Variants in RGS6 observed in about 807,000 individuals in gnomAD.
RGS6 encodes regulator of G-protein signaling 6.
Under a neutral mutation model 78.5 loss-of-function variants are expected in RGS6, and 30 were observed. The ratio of observed to expected loss-of-function variants is 0.38; its 90% confidence interval spans 0.29 to 0.52. RGS6 has a LOEUF of 0.52. RGS6 is among the 20% of genes least tolerant of loss of function. The pLI is 0.85. For missense variants in RGS6, 495 were observed against 609.7 expected (o/e 0.81, Z 1.98); for synonymous variants, 206 against 206.0 (o/e 1.00, Z 0.00).
intron 2 of RGS6, among the ~76,000 whole-genome samples, chr14:72,125,526 T>C (rs752119219): frequency 6.6e-5 from 10 of 152,142 alleles, no homozygotes. Flanking sequence ...GAGAAAAGAT[T>C]TTATTCACCA....
chr14:71,939,971 G>A (rs1321830831), intron 1 of RGS6, among the ~76,000 whole-genome samples: 1 of 152,162 alleles, frequency 6.6e-6, no homozygotes, highest in African/African-American at 2.4e-5. Context: ...CCAATGTGGG[G>A]GTTCTGCCAG....
intron 3 of RGS6, among the ~76,000 whole-genome samples, chr14:72,435,003 G>A (rs936075767): frequency 6.6e-6 from 1 of 152,180 alleles, no homozygotes; most frequent in Non-Finnish European, 1.5e-5. Flanking sequence ...ATAGCTGAGT[G>A]AGTTCTTTCT....
chr14:72,037,347 A>G (rs559519017), intron 2 of RGS6, among the ~76,000 whole-genome samples: 1 of 152,292 alleles, frequency 6.6e-6, no homozygotes, highest in South Asian at 2.1e-4. Flanking sequence ...TTGGGTCCGC[A>G]CCACCTTTAA....
intron 14 of RGS6, 115 bp downstream of exon 14, chr14:72,510,394 C>A: frequency 1.5e-6 from 2 of 1,338,422 alleles, no homozygotes; most frequent in Non-Finnish European, 2.1e-6. Context: ...AATTCAAATG[C>A]CAGCTAATCT....
intron 1 of RGS6, among the ~76,000 whole-genome samples, chr14:71,948,726 TTCTC>T (rs199827798): frequency 9.6e-6 from 1 of 104,432 alleles, no homozygotes; most frequent in Non-Finnish European, 1.7e-5. Flanking sequence ...CTGATTTCCT[TTCTC>T]TCTCTCTCTC....
At chr14:72,265,063 G>C (rs1318945927) in intron 2 of RGS6, among the ~76,000 whole-genome samples, 8 of 152,210 alleles carry the variant, frequency 5.3e-5, no homozygotes, top group African/African-American at 1.9e-4. Flanking sequence ...TGGGAGAATG[G>C]AATTAGGGGA....
At chr14:72,072,766 A>G (rs2094452338) in intron 2 of RGS6, among the ~76,000 whole-genome samples, 1 of 152,250 alleles carries the variant, frequency 6.6e-6, no homozygotes, top group African/African-American at 2.4e-5. Flanking sequence ...GATTAAGTTA[A>G]TTTTAAATCA....
At chr14:72,487,251 T>C (rs532484790) in intron 12 of RGS6, among the ~76,000 whole-genome samples, 2 of 152,344 alleles carry the variant, frequency 1.3e-5, no homozygotes, top group Middle Eastern at 3.4e-3. Flanking sequence ...GCACCTTTTA[T>C]CTACTGCCAC....
intron 2 of RGS6, among the ~76,000 whole-genome samples, chr14:72,079,395 A>G (rs1213586830): frequency 1.3e-5 from 2 of 152,126 alleles, no homozygotes; most frequent in East Asian, 1.9e-4. Context: ...ATTCTTTTAC[A>G]GTTTTATTTA....
At chr14:72,445,517 A>G (rs2095342071) in intron 3 of RGS6, among the ~76,000 whole-genome samples, 1 of 151,746 alleles carries the variant, frequency 6.6e-6, no homozygotes, top group Non-Finnish European at 1.5e-5. Context: ...AGTGGGTGAA[A>G]GACCCTGAAC....
the RGS6 span, among the ~76,000 whole-genome samples, chr14:71,910,838 T>C: frequency 6.6e-6 from 1 of 152,184 alleles, no homozygotes; most frequent in African/African-American, 2.4e-5. Flanking sequence ...AGGATGCAAT[T>C]TGGGAAAACA....
chr14:72,187,100 A>G (rs1221790749), intron 2 of RGS6, among the ~76,000 whole-genome samples: 3 of 152,380 alleles, frequency 2.0e-5, no homozygotes, highest in Non-Finnish European at 4.4e-5. Flanking sequence ...AAGGGCTTAG[A>G]AAATGTAAAG....
At chr14:71,922,206 T>C in the RGS6 span, among the ~76,000 whole-genome samples, 2 of 152,246 alleles carry the variant, frequency 1.3e-5, no homozygotes, top group East Asian at 3.8e-4. Context: ...GTTGGAATCA[T>C]CTTTGACTCC....
chr14:72,054,405 A>G (rs2093505992), intron 2 of RGS6, among the ~76,000 whole-genome samples: 1 of 152,194 alleles, frequency 6.6e-6, no homozygotes, highest in African/African-American at 2.4e-5. Context: ...CAGTTTTGAG[A>G]TTCTTGCTTC....
chr14:72,470,111 A>C, intron 8 of RGS6, 28 bp downstream of exon 8: 2 of 1,500,084 alleles, frequency 1.3e-6, no homozygotes, highest in Non-Finnish European at 1.9e-6. Flanking sequence ...AGACCTTTTC[A>C]GAGAGGAAAA....
At chr14:72,326,354 T>A (rs2073761535) in intron 2 of RGS6, among the ~76,000 whole-genome samples, 1 of 152,214 alleles carries the variant, frequency 6.6e-6, no homozygotes, top group African/African-American at 2.4e-5. Context: ...GCCCTGAAAG[T>A]ATACTGATAG....
At chr14:72,190,548 G>A (rs1459560963) in intron 2 of RGS6, among the ~76,000 whole-genome samples, 1 of 152,176 alleles carries the variant, frequency 6.6e-6, no homozygotes, top group Non-Finnish European at 1.5e-5. Flanking sequence ...AAAGTCACTG[G>A]GGTAATGCCC....
At chr14:72,305,752 C>G (rs1244513784) in intron 2 of RGS6, among the ~76,000 whole-genome samples, 1 of 152,142 alleles carries the variant, frequency 6.6e-6, no homozygotes, top group Non-Finnish European at 1.5e-5. Flanking sequence ...ATTCATAACC[C>G]TACAATGGCT....
intron 2 of RGS6, among the ~76,000 whole-genome samples, chr14:72,254,152 A>G (rs754209909): frequency 3.3e-5 from 5 of 152,284 alleles, no homozygotes; most frequent in African/African-American, 4.8e-5. Flanking sequence ...TTTCAAAGGT[A>G]TGAAATCACC....
Sources: gnomAD v4.1 joint callset for allele counts (sites outside exome capture counted in the v4.1 genomes callset) on GRCh38, gnomAD v4.1.1 for gene constraint, MANE v1.5 for transcripts, NCBI Gene and HGNC (gene_info 2026-07-23, HGNC 2026-07-21) for gene names.